Variants in NEK10 observed in about 807,000 individuals in gnomAD.
The protein encoded by NEK10 is NIMA related kinase 10, also known as serine/threonine-protein kinase Nek10.
NEK10 carries 122 observed loss-of-function variants against 159.8 expected under a neutral mutation model. The ratio of observed to expected loss-of-function variants is 0.76; its 90% CI spans 0.66 to 0.89. The LOEUF (loss-of-function observed/expected upper bound fraction) is 0.89. Ranked by LOEUF, NEK10 falls within the 40% of genes least tolerant of loss-of-function variation. The probability of loss-of-function intolerance (pLI) is 0.00; values close to 1 mark genes in which losing one functional copy is unlikely to be tolerated. For missense variants in NEK10, 1,342 were observed against 1,323.1 expected (o/e 1.01, Z -0.22); for synonymous variants, 466 against 457.1 (o/e 1.02, Z -0.25).
At chr3:27,261,044 A>G (rs2040366823) in intron 22 of NEK10, among the ~76,000 whole-genome samples, 1 of 152,072 alleles carries the variant, frequency 6.6e-6, no homozygotes, top group Non-Finnish European at 1.5e-5. Flanking sequence ...GGTAGTTTGT[A>G]TTTCTGTGGG....
chr3:27,176,491 T>C (rs1007420780), intron 26 of NEK10, among the ~76,000 whole-genome samples: 7 of 152,160 alleles, frequency 4.6e-5, no homozygotes, highest in African/African-American at 1.7e-4. Context: ...GGCTTCTAAG[T>C]CCAGCCTCAG....
At chr3:27,335,662 T>C (rs2046751330) in intron 5 of NEK10, among the ~76,000 whole-genome samples, 1 of 152,146 alleles carries the variant, frequency 6.6e-6, no homozygotes, top group Non-Finnish European at 1.5e-5. Flanking sequence ...ATATCAAGTA[T>C]CTTCTCAGAG....
At chr3:27,165,194 T>C (rs769811283) in intron 29 of NEK10, among the ~76,000 whole-genome samples, 5 of 152,158 alleles carry the variant, frequency 3.3e-5, no homozygotes, top group Non-Finnish European at 4.4e-5. Flanking sequence ...CAAGATTGCA[T>C]AGAGATAGCA....
intron 30 of NEK10, among the ~76,000 whole-genome samples, chr3:27,157,571 T>C (rs757104110): frequency 6.6e-6 from 1 of 152,204 alleles, no homozygotes; most frequent in Non-Finnish European, 1.5e-5. Context: ...AAGTGGTTTC[T>C]TGTGATGGAA....
chr3:27,334,750 A>C (rs535326657), intron 5 of NEK10, among the ~76,000 whole-genome samples: 1 of 152,330 alleles, frequency 6.6e-6, no homozygotes, highest in African/African-American at 2.4e-5. Context: ...ATCTTCCCAT[A>C]TGAAAGCCAA....
At chr3:27,303,328 T>C (rs566373265) in intron 12 of NEK10, among the ~76,000 whole-genome samples, 1 of 152,280 alleles carries the variant, frequency 6.6e-6, no homozygotes, top group South Asian at 2.1e-4. Flanking sequence ...TCTTTGAAAT[T>C]CTGCTTAACT....
chr3:27,277,285 C>G lies in NEK10; in HGVS notation c.2014+7317G>C, dbSNP rs184809451. On this transcript the variant is annotated intron_variant, in intron 22 of 35. Transcript: ENST00000691995. Reference sequence around the variant, plus strand: ...GCTGAACCCACCCTGGAACTACTCACTCTCAGACCCCTTGTTGTGAGATAA... The same window carrying G: ...GCTGAACCCACCCTGGAACTACTCAGTCTCAGACCCCTTGTTGTGAGATAA... Among the ~76,000 whole-genome samples, 26 of 152,262 alleles carry G rather than the reference C, an allele frequency of 1.7e-4. 1 individual carries two copies. In the East Asian group the frequency reaches 4.6e-3, roughly 27 times the overall value.
intron 23 of NEK10, among the ~76,000 whole-genome samples, chr3:27,223,527 T>A (rs1162443846): frequency 6.6e-6 from 1 of 152,234 alleles, no homozygotes; most frequent in Non-Finnish European, 1.5e-5. Context: ...TCTGTAATAC[T>A]ACTGAGCTTA....
chr3:27,166,572 G>A (rs1224643547), intron 29 of NEK10, among the ~76,000 whole-genome samples: 1 of 152,178 alleles, frequency 6.6e-6, no homozygotes, highest in Non-Finnish European at 1.5e-5. Context: ...CTTTTAAGAG[G>A]CAAGATCCAC....
At chr3:27,224,934 AG>A (rs1243765638) in intron 23 of NEK10, among the ~76,000 whole-genome samples, 1 of 152,216 alleles carries the variant, frequency 6.6e-6, no homozygotes, top group Non-Finnish European at 1.5e-5. Flanking sequence ...AACTACATGA[AG>A]ATCCAGAGCT....
At position 27,234,616 on chromosome 3, in the gene NEK10, A is replaced by T. The variant is rs564706207; in HGVS notation, c.2090+21680T>A. Among the ~76,000 whole-genome samples, 20 of 152,324 alleles carry T rather than the reference A, an allele frequency of 1.3e-4. No homozygotes were observed. The South Asian group carries it at 3.9e-3, about 30-fold the overall frequency. On this transcript the variant is annotated intron_variant, in intron 23 of 35. Coordinates refer to ENST00000691995, the MANE Select transcript of NEK10 (RefSeq NM_001394966.1). ...CCACTGCTCAAAGAAATCAGAAAGGACACAAACAAATGGAAAAACATTCCA... is the reference window on the plus strand; with the variant it reads ...CCACTGCTCAAAGAAATCAGAAAGGTCACAAACAAATGGAAAAACATTCCA...
intron 5 of NEK10, among the ~76,000 whole-genome samples, chr3:27,334,261 C>T (rs1340624818): frequency 6.6e-6 from 1 of 152,192 alleles, no homozygotes; most frequent in Non-Finnish European, 1.5e-5. Context: ...TAGCCCATTG[C>T]AGCCACCACC....
intron 22 of NEK10, among the ~76,000 whole-genome samples, chr3:27,275,258 T>A (rs1233580810): frequency 6.6e-6 from 1 of 152,210 alleles, no homozygotes; most frequent in Non-Finnish European, 1.5e-5. Context: ...ATCTGAGAAA[T>A]GCAGAATGAC....
chr3:27,200,058 T>C (rs13080135), intron 25 of NEK10, among the ~76,000 whole-genome samples: 1 of 152,134 alleles, frequency 6.6e-6, no homozygotes, highest in Non-Finnish European at 1.5e-5. Flanking sequence ...CAAACCCCCA[T>C]GACACAAGTT....
intron 22 of NEK10, among the ~76,000 whole-genome samples, chr3:27,263,932 G>C (rs972698034): frequency 4.6e-5 from 7 of 151,974 alleles, no homozygotes; most frequent in African/African-American, 1.7e-4. Context: ...GTTCCTATTC[G>C]GCCATCTTGG....
At chr3:27,218,557 A>T (rs897422261) in intron 23 of NEK10, among the ~76,000 whole-genome samples, 2 of 148,366 alleles carry the variant, frequency 1.3e-5, no homozygotes, top group Non-Finnish European at 3.0e-5. Flanking sequence ...GTGAGCCGAG[A>T]TCACGCCACT....
intron 30 of NEK10, among the ~76,000 whole-genome samples, chr3:27,150,134 C>T (rs896975912): frequency 2.0e-5 from 3 of 152,120 alleles, no homozygotes; most frequent in African/African-American, 4.8e-5. Context: ...GATGTTGGTT[C>T]GTGCAGTTTA....
chr3:27,232,875 C>G (rs1391663672), intron 23 of NEK10, among the ~76,000 whole-genome samples: 2 of 152,184 alleles, frequency 1.3e-5, no homozygotes, highest in African/African-American at 2.4e-5. Flanking sequence ...AAGAATAAAA[C>G]TGGATCCCCA....
At chr3:27,238,986 G>A (rs1305569589) in intron 23 of NEK10, among the ~76,000 whole-genome samples, 1 of 152,048 alleles carries the variant, frequency 6.6e-6, no homozygotes. Flanking sequence ...CTGATTGGTT[G>A]CAAGAGTCAA....
Sources: gnomAD v4.1 joint callset for allele counts (sites outside exome capture counted in the v4.1 genomes callset) on GRCh38, gnomAD v4.1.1 for gene constraint, MANE v1.5 for transcripts, NCBI Gene and HGNC (gene_info 2026-07-23, HGNC 2026-07-21) for gene names.